Variants in CLCN3 observed in about 807,000 individuals in gnomAD.
The protein encoded by CLCN3 is H(+)/Cl(-) exchange transporter 3.
In CLCN3, 16 loss-of-function variants were observed where a neutral mutation model predicts 83.4. The observed-to-expected ratio is 0.19, with a 90% CI of 0.13 to 0.29. The LOEUF (loss-of-function observed/expected upper bound fraction) is 0.29, where lower values mean the gene tolerates loss of function less well. CLCN3 is among the 10% of genes least tolerant of loss of function. The probability of loss-of-function intolerance (pLI) is 1.00; values close to 1 mark genes in which losing one functional copy is unlikely to be tolerated. For synonymous variants in CLCN3, 322 were observed against 346.2 expected, an observed-to-expected ratio of 0.93 and a Z score of 0.78; for missense variants, 544 against 1,006.0, an observed-to-expected ratio of 0.54 and a Z score of 6.21.
rs573842913 is a variant in CLCN3 at position 169,723,136 on chromosome 4, C to T, written c.*3139C>T. ...AAGCTGCATATCATTACAGTAAAAA[C>T]GACTACTGTGATGAGTTAATCAGAA... On this transcript the variant is annotated 3_prime_UTR_variant, in exon 13 of 13. Coordinates refer to ENST00000513761, the MANE Select transcript of CLCN3 (RefSeq NM_001829.4). 1.2e-4 allele frequency: 18 copies of T among 152,218 alleles called. No individual in the cohort carries two copies. The highest frequency in any genetic ancestry group is 3.6e-4 in the African/African-American group (15 of 41,542). 9.4% of individuals were successfully genotyped at this position (152,218 alleles called of 1,614,324 possible).
intron 2 of CLCN3, among the ~76,000 whole-genome samples, chr4:169,668,042 CAT>C: frequency 1.1e-5 from 1 of 93,634 alleles, no homozygotes; most frequent in Admixed American, 1.2e-4. Context: ...CCCGGCCAGA[CAT>C]TTTTTTTTTT....
intron 5 of CLCN3, 29 bp downstream of exon 5, chr4:169,689,259 T>A: frequency 6.4e-7 from 1 of 1,561,004 alleles, no homozygotes; most frequent in Non-Finnish European, 8.8e-7. Context: ...CAAGATGAAT[T>A]AATAATTGAT....
At chr4:169,717,163 C>T (rs1046913034) in intron 12 of CLCN3, among the ~76,000 whole-genome samples, 1 of 152,056 alleles carries the variant, frequency 6.6e-6, no homozygotes, top group Non-Finnish European at 1.5e-5. Context: ...AGTGAAAGTC[C>T]TTTTAATCCC....
rs182800960 is a variant in CLCN3, at chr4:169,711,642, G to C, written c.2150-1437G>C. Among the ~76,000 whole-genome samples the C allele has an allele frequency of 4.2e-3, 643 of 152,216 alleles. 7 individuals are homozygous for C. Among genetic ancestry groups the C allele is most frequent in the South Asian group, 0.036 (174 of 4,820 alleles). ...TGGGATTACAGACGTGAGCCACTGC[G>C]CCTGGCCTGATCATGCTTTTAAGGT... is the stretch of plus-strand genomic sequence containing the variant. On this transcript the variant is annotated intron_variant, in intron 11 of 12. Transcript: ENST00000513761.
At chr4:169,645,235 G>C (rs906942519) in intron 2 of CLCN3, among the ~76,000 whole-genome samples, 5 of 152,114 alleles carry the variant, frequency 3.3e-5, no homozygotes, top group African/African-American at 1.2e-4. Flanking sequence ...GCTGCCAAAT[G>C]CACACTGGGT....
At chr4:169,707,889 T>G (rs1210516751) in intron 11 of CLCN3, among the ~76,000 whole-genome samples, 1 of 152,238 alleles carries the variant, frequency 6.6e-6, no homozygotes, top group Non-Finnish European at 1.5e-5. Flanking sequence ...GTGTATTTCT[T>G]GGAGATAAAT....
intron 3 of CLCN3, among the ~76,000 whole-genome samples, chr4:169,683,672 C>T (rs1409720190): frequency 6.6e-6 from 1 of 151,904 alleles, no homozygotes; most frequent in Non-Finnish European, 1.5e-5. Flanking sequence ...TTGATCCATG[C>T]TTATATGAAC....
rs746091406 is a variant in CLCN3, at chr4:169,635,899, T to A, written c.-16-14T>A. 2.7e-6 allele frequency: 4 copies of A among 1,509,168 alleles called. No individual in the cohort carries two copies. The highest frequency in any genetic ancestry group is 3.6e-6 in the Non-Finnish European group (4 of 1,125,396). The allele number at this position is 1,509,168 out of a possible 1,614,324, so 93.5% of individuals were successfully genotyped here. ...TGTTTGAAAAATGTTAAAACTACTT[T>A]TTCCCCCCCACAGATAATCAGACAG... On this transcript the variant is annotated splice_polypyrimidine_tract_variant and intron_variant, in intron 1 of 12. Coordinates refer to ENST00000513761, the MANE Select transcript of CLCN3 (RefSeq NM_001829.4).
At chr4:169,696,126 G>T (rs1402110716) in intron 8 of CLCN3, among the ~76,000 whole-genome samples, 3 of 152,022 alleles carry the variant, frequency 2.0e-5, no homozygotes, top group African/African-American at 7.2e-5. Context: ...TTTCACTCTT[G>T]TTGCCCAGGC....
At position 169,709,103 on chromosome 4, in the gene CLCN3, TTA is replaced by T. The variant is rs1029346528; in HGVS notation, c.2149+1846_2149+1847del. Among the ~76,000 whole-genome samples the T allele has an allele frequency of 8.8e-4, 130 of 148,346 alleles. 2 individuals are homozygous for T. The highest frequency in any genetic ancestry group is 3.4e-3 in the South Asian group (16 of 4,764). ...TTATATAAATATTAACATAATTACA[TTA>T]TATATATAGAAAACCTAGTGTACAG... On this transcript the variant is annotated intron_variant, in intron 11 of 12. Coordinates refer to ENST00000513761, the MANE Select transcript of CLCN3 (RefSeq NM_001829.4).
intron 1 of CLCN3, among the ~76,000 whole-genome samples, chr4:169,624,518 C>G (rs1182980448): frequency 1.3e-5 from 2 of 152,036 alleles, no homozygotes; most frequent in Non-Finnish European, 2.9e-5. Context: ...ATCTGCCCAC[C>G]TCGGCATCCC....
chr4:169,710,752 G>T (rs1447996654), intron 11 of CLCN3, among the ~76,000 whole-genome samples: 1 of 152,036 alleles, frequency 6.6e-6, no homozygotes, highest in African/African-American at 2.4e-5. Flanking sequence ...TATTTTGTCG[G>T]TGTTTAAGAT....
At chr4:169,672,960 G>A (rs1447518956) in intron 2 of CLCN3, among the ~76,000 whole-genome samples, 1 of 152,240 alleles carries the variant, frequency 6.6e-6, no homozygotes. Flanking sequence ...ACCGCGCCCG[G>A]CTGTAAGTTA....
At chr4:169,654,085 A>G (rs895442227) in intron 2 of CLCN3, among the ~76,000 whole-genome samples, 2 of 152,148 alleles carry the variant, frequency 1.3e-5, no homozygotes, top group African/African-American at 4.8e-5. Context: ...TGATACATAT[A>G]TGAAGGGCTC....
At chr4:169,649,695 T>G (rs1730679022) in intron 2 of CLCN3, among the ~76,000 whole-genome samples, 2 of 152,222 alleles carry the variant, frequency 1.3e-5, no homozygotes, top group African/African-American at 4.8e-5. Flanking sequence ...CTTAATCATT[T>G]TTAATGGTTG....
rs1273865921 is a variant in CLCN3 at position 169,713,174 on chromosome 4, T to C, written c.2245T>C (p.Leu749=). The change falls in exon 12 of 13, where the codon TTG becomes CTG. Residue 749 remains leucine, a synonymous_variant. Coordinates refer to ENST00000513761, the MANE Select transcript of CLCN3 (RefSeq NM_001829.4). ...PSLPAESPRP[L]KLRSILDMSP... ...TCTTCCAGCAGAAAGTCCTCGGCCA[T>C]TGAAGCTTCGAAGCATTCTTGACAT... 2.5e-6 allele frequency: 4 copies of C among 1,614,174 alleles called. No individual in the cohort carries two copies. The Admixed American group carries it at 6.7e-5, about 27-fold the overall frequency.
At chr4:169,703,519 A>C (rs765864564) in intron 9 of CLCN3, among the ~76,000 whole-genome samples, 13 of 152,230 alleles carry the variant, frequency 8.5e-5, no homozygotes, top group Non-Finnish European at 1.8e-4. Context: ...TTCATATTGT[A>C]CTTTTAAAAA....
At chr4:169,655,834 C>T (rs1200002745) in intron 2 of CLCN3, among the ~76,000 whole-genome samples, 4 of 152,082 alleles carry the variant, frequency 2.6e-5, no homozygotes, top group African/African-American at 9.7e-5. Flanking sequence ...AAAGCAAACT[C>T]TTCATATTTT....
chr4:169,690,878 A>G (rs1441797727), intron 6 of CLCN3, among the ~76,000 whole-genome samples: 2 of 152,110 alleles, frequency 1.3e-5, no homozygotes, highest in East Asian at 3.9e-4. Flanking sequence ...TTCTCTCACC[A>G]CTAATTTAAC....
Sources: allele counts gnomAD v4.1 joint callset (sites outside exome capture counted in the v4.1 genomes callset), GRCh38; gene constraint gnomAD v4.1.1; transcripts MANE v1.5; gene names NCBI Gene and HGNC (gene_info 2026-07-23, HGNC 2026-07-21).